CLIP1: variants seen among roughly 807,000 people sequenced by gnomAD.
CLIP1 encodes the protein CAP-Gly domain containing linker protein 1.
Under a neutral mutation model 161.6 loss-of-function variants are expected in CLIP1, and 66 were observed. That is an observed-to-expected ratio of 0.41 (90% CI 0.33 to 0.50). The LOEUF (loss-of-function observed/expected upper bound fraction) is 0.50. Ranked by LOEUF, CLIP1 falls within the 20% of genes least tolerant of loss-of-function variation. The probability of loss-of-function intolerance (pLI) is 0.27; values close to 1 mark genes in which losing one functional copy is unlikely to be tolerated. For missense variants in CLIP1, 1,376 were observed against 1,702.0 expected (o/e 0.81, Z 3.37); for synonymous variants, 598 against 626.2 (o/e 0.96, Z 0.67).
intron 20 of CLIP1, among the ~76,000 whole-genome samples, chr12:122,299,596 T>C (rs1950598935): frequency 1.3e-5 from 1 of 76,326 alleles, no homozygotes; most frequent in East Asian, 4.6e-4. Flanking sequence ...TTTTTGTTTT[T>C]AAAGAATAAA....
intron 20 of CLIP1, among the ~76,000 whole-genome samples, chr12:122,296,390 G>T (rs911443056): frequency 2.6e-5 from 4 of 152,122 alleles, no homozygotes; most frequent in Non-Finnish European, 4.4e-5. Context: ...AAGCAAGTTG[G>T]AGTAATATGT....
At chr12:122,372,069 GTCAGGAGT>G (rs1190565777) in intron 3 of CLIP1, among the ~76,000 whole-genome samples, 2 of 152,034 alleles carry the variant, frequency 1.3e-5, no homozygotes, top group Non-Finnish European at 2.9e-5. Flanking sequence ...ATCACTTGAG[GTCAGGAGT>G]TCGAGACCAT....
chr12:122,357,725 G>C (rs1331056438), intron 5 of CLIP1, among the ~76,000 whole-genome samples: 2 of 148,888 alleles, frequency 1.3e-5, no homozygotes, highest in African/African-American at 2.5e-5. Context: ...CGCCCCGTCC[G>C]GGAGGTGAGG....
At chr12:122,350,851 C>A (rs1029524885) in intron 9 of CLIP1, among the ~76,000 whole-genome samples, 1 of 151,810 alleles carries the variant, frequency 6.6e-6, no homozygotes, top group Admixed American at 6.6e-5. Context: ...AACATTTTTC[C>A]CCCCTTTCTG....
chr12:122,348,341 G>A (rs1952847516), intron 9 of CLIP1, among the ~76,000 whole-genome samples: 1 of 152,202 alleles, frequency 6.6e-6, no homozygotes, highest in Admixed American at 6.5e-5. Flanking sequence ...CTCAAGAGAG[G>A]AGGAAAGTTT....
intron 4 of CLIP1, among the ~76,000 whole-genome samples, chr12:122,361,792 C>A (rs1953832731): frequency 6.6e-6 from 1 of 152,170 alleles, no homozygotes; most frequent in African/African-American, 2.4e-5. Context: ...GATTGCACCA[C>A]TGTAGTCCAG....
At chr12:122,324,258 C>T (rs538951474) in intron 17 of CLIP1, 3 of 152,600 alleles carry the variant, frequency 2.0e-5, no homozygotes, top group Non-Finnish European at 4.4e-5. Context: ...AAAAGTGAAC[C>T]GTTTTCTAAC....
chr12:122,303,606 T>C (rs1214747011), intron 20 of CLIP1, among the ~76,000 whole-genome samples: 1 of 152,204 alleles, frequency 6.6e-6, no homozygotes, highest in Non-Finnish European at 1.5e-5. Flanking sequence ...CATCACTCAC[T>C]CTACCTGAAC....
At chr12:122,392,619 C>T (rs1955708697) in intron 1 of CLIP1, among the ~76,000 whole-genome samples, 2 of 152,090 alleles carry the variant, frequency 1.3e-5, no homozygotes, top group Non-Finnish European at 2.9e-5. Context: ...CCATGGCAAG[C>T]CGGCTCGAGA....
chr12:122,363,952 G>A (rs1442146946), intron 4 of CLIP1, 31 bp downstream of exon 4: 1 of 1,613,348 alleles, frequency 6.2e-7, no homozygotes, highest in Non-Finnish European at 8.5e-7. Context: ...GTACAAGAGT[G>A]ACACAAGATG....
chr12:122,332,187 C>T (rs142839704), intron 15 of CLIP1, among the ~76,000 whole-genome samples: 2,800 of 149,892 alleles, frequency 0.019, 53 homozygotes, highest in Non-Finnish European at 0.025. Context: ...CTCAGCTACT[C>T]GGGAGGCTGA....
chr12:122,357,172 C>G (rs1953446986), intron 5 of CLIP1, among the ~76,000 whole-genome samples: 1 of 151,658 alleles, frequency 6.6e-6, no homozygotes, highest in South Asian at 2.1e-4. Context: ...TTCCCGGCCG[C>G]CGTCCCATCT....
intron 15 of CLIP1, among the ~76,000 whole-genome samples, chr12:122,332,673 G>A (rs571280545): frequency 3.3e-5 from 5 of 152,022 alleles, no homozygotes; most frequent in Non-Finnish European, 5.9e-5. Flanking sequence ...CGCCCACCTC[G>A]GCCTCTCAAA....
intron 3 of CLIP1, among the ~76,000 whole-genome samples, chr12:122,375,352 T>C (rs956949126): frequency 2.0e-5 from 3 of 151,824 alleles, no homozygotes; most frequent in Admixed American, 6.6e-5. Flanking sequence ...AGTCTCACTC[T>C]GTTGCCCAGG....
chr12:122,407,847 ACATGGC>A (rs1051309035), intron 1 of CLIP1, among the ~76,000 whole-genome samples: 5 of 151,762 alleles, frequency 3.3e-5, no homozygotes, highest in Non-Finnish European at 5.9e-5. Context: ...AAACAGTCAG[ACATGGC>A]CCACACCAAA....
At chr12:122,336,843 G>C (rs1041169714) in intron 11 of CLIP1, 95 bp from the exon 12 acceptor site, 27 of 530,238 alleles carry the variant, frequency 5.1e-5, no homozygotes, top group Non-Finnish European at 7.3e-5. Flanking sequence ...AAAAACTTAT[G>C]AGAAACATAA....
At chr12:122,410,946 T>C (rs187334395) in intron 1 of CLIP1, among the ~76,000 whole-genome samples, 7 of 152,258 alleles carry the variant, frequency 4.6e-5, no homozygotes, top group East Asian at 3.9e-4. Flanking sequence ...CAAAAAGACA[T>C]AGAAGTGCTG....
At chr12:122,353,351 A>C (rs190707459) in intron 7 of CLIP1, among the ~76,000 whole-genome samples, 4 of 152,182 alleles carry the variant, frequency 2.6e-5, no homozygotes, top group Admixed American at 2.6e-4. Flanking sequence ...CAAAAAGAAA[A>C]AATAAAATAA....
chr12:122,410,349 T>C (rs1283435746), intron 1 of CLIP1, among the ~76,000 whole-genome samples: 1 of 151,794 alleles, frequency 6.6e-6, no homozygotes, highest in East Asian at 1.9e-4. Flanking sequence ...TTGTATACCA[T>C]TTTCATTCGA....
Sources: allele counts gnomAD v4.1 joint callset (sites outside exome capture counted in the v4.1 genomes callset), GRCh38; gene constraint gnomAD v4.1.1; transcripts MANE v1.5; gene names NCBI Gene and HGNC (gene_info 2026-07-23, HGNC 2026-07-21).